KYAT1: variants seen among roughly 807,000 people sequenced by gnomAD.
The protein encoded by KYAT1 is kynurenine aminotransferase 1, also known as kynurenine--oxoglutarate transaminase 1.
Under a neutral mutation model 52.4 loss-of-function variants are expected in KYAT1, and 47 were observed. The ratio of observed to expected loss-of-function variants is 0.90; its 90% CI spans 0.71 to 1.14. KYAT1 has a LOEUF of 1.14. Among genes scored for constraint, KYAT1 ranks in the 50% most tolerant of loss-of-function variants. The pLI, the probability that KYAT1 is intolerant of heterozygous loss-of-function variation, is 0.00. For synonymous variants in KYAT1, 212 were observed against 209.6 expected, an observed-to-expected ratio of 1.01 and a Z score of -0.10; for missense variants, 480 against 557.9, an observed-to-expected ratio of 0.86 and a Z score of 1.41.
intron 1 of KYAT1, among the ~76,000 whole-genome samples, chr9:128,867,958 A>G (rs1836646636): frequency 6.6e-6 from 1 of 152,016 alleles, no homozygotes; most frequent in African/African-American, 2.4e-5. Flanking sequence ...TATTTTTAGT[A>G]GAGACGGGGT....
intron 1 of KYAT1, among the ~76,000 whole-genome samples, chr9:128,865,257 A>G (rs113287649): frequency 3.6e-5 from 5 of 138,700 alleles, no homozygotes; most frequent in African/African-American, 1.2e-4. Context: ...AAAAAAAAAA[A>G]AAAGGCTAAG....
chr9:128,879,137 C>T (rs1033014823), intron 1 of KYAT1, among the ~76,000 whole-genome samples: 4 of 152,242 alleles, frequency 2.6e-5, no homozygotes, highest in East Asian at 3.9e-4. Context: ...GGTGAAACCC[C>T]GTCTCTACTA....
chr9:128,869,456 C>T (rs1320043558), intron 1 of KYAT1, among the ~76,000 whole-genome samples: 1 of 152,132 alleles, frequency 6.6e-6, no homozygotes, highest in Non-Finnish European at 1.5e-5. Flanking sequence ...CCACCGTACC[C>T]GGCACCAAGC....
intron 2 of KYAT1, 84 bp from the exon 3 acceptor site, chr9:128,842,885 G>A (rs965790616): frequency 7.0e-6 from 10 of 1,426,992 alleles, no homozygotes; most frequent in Admixed American, 6.1e-5. Context: ...CTGGACAACC[G>A]GCCAGGTGTG....
At chr9:128,875,964 C>T (rs1318607524) in intron 1 of KYAT1, among the ~76,000 whole-genome samples, 1 of 152,174 alleles carries the variant, frequency 6.6e-6, no homozygotes, top group Non-Finnish European at 1.5e-5. Context: ...CTGATGTCAG[C>T]TATGCCACTG....
intron 11 of KYAT1, among the ~76,000 whole-genome samples, chr9:128,834,591 AG>A (rs1367505412): frequency 6.6e-6 from 1 of 151,930 alleles, no homozygotes; most frequent in Non-Finnish European, 1.5e-5. Flanking sequence ...TGGGAGGCCA[AG>A]GGGAGTGGAT....
chr9:128,846,622 AAAAGAAAG>A, intron 1 of KYAT1: 1 of 1,026,746 alleles, frequency 9.7e-7, no homozygotes, highest in Non-Finnish European at 1.3e-6. Context: ...AAAAAAAAAA[AAAAGAAAG>A]AAAGAAATTG....
At chr9:128,875,239 T>G (rs372892013) in intron 1 of KYAT1, among the ~76,000 whole-genome samples, 163 of 143,592 alleles carry the variant, frequency 1.1e-3, no homozygotes, top group African/African-American at 3.6e-3. Context: ...GTTCAATTTG[T>G]TTTTTTTTGT....
intron 3 of KYAT1, among the ~76,000 whole-genome samples, 163 bp downstream of exon 3, chr9:128,842,491 C>T (rs1473555193): frequency 6.6e-6 from 1 of 152,200 alleles, no homozygotes; most frequent in Non-Finnish European, 1.5e-5. Context: ...GACCACGAGG[C>T]GAAGGCTCTG....
At chr9:128,850,766 C>T (rs1311852338) in intron 1 of KYAT1, among the ~76,000 whole-genome samples, 1 of 152,204 alleles carries the variant, frequency 6.6e-6, no homozygotes, top group Admixed American at 6.5e-5. Flanking sequence ...AACTGAATGT[C>T]TCAGTATAAA....
At chr9:128,835,022 A>G (rs1388472526) in intron 11 of KYAT1, among the ~76,000 whole-genome samples, 2 of 151,834 alleles carry the variant, frequency 1.3e-5, no homozygotes, top group Admixed American at 1.3e-4. Context: ...CTGTGGTCCC[A>G]GCTACTCGGG....
intron 1 of KYAT1, among the ~76,000 whole-genome samples, chr9:128,876,146 C>T (rs1837997146): frequency 6.6e-6 from 1 of 152,116 alleles, no homozygotes; most frequent in East Asian, 1.9e-4. Context: ...CGCTTTGTCA[C>T]CTAGGAGCCT....
chr9:128,839,500 G>T (rs1488444907), intron 3 of KYAT1, among the ~76,000 whole-genome samples: 1 of 152,142 alleles, frequency 6.6e-6, no homozygotes, highest in African/African-American at 2.4e-5. Context: ...GCGGGCACCT[G>T]TAGTCCCAGC....
chr9:128,833,218 A>AG lies in KYAT1; in HGVS notation c.*365dup, dbSNP rs1830432067. 3.3e-6 allele frequency: 1 copy of AG among 306,820 alleles called. No homozygotes were observed. The highest frequency in any genetic ancestry group is 6.1e-6 in the Non-Finnish European group (1 of 164,852). 19.0% of individuals were successfully genotyped at this position (306,820 alleles called of 1,614,324 possible). A position where few individuals can be genotyped will look rare whatever the true frequency, so the allele number is the denominator to read the frequency against. On this transcript the variant is annotated 3_prime_UTR_variant, in exon 13 of 13. Transcript: ENST00000302586. The stretch of plus-strand genomic sequence containing the variant: ...AGGCCAAGATGAGCCAGGGAAGGTG[A>AG]GGTTATACCTGAGCCTTAGCAGGGG...
chr9:128,842,054 T>A, intron 3 of KYAT1: 1 of 244,544 alleles, frequency 4.1e-6, no homozygotes, highest in South Asian at 4.1e-5. Flanking sequence ...TAGCTGGGCA[T>A]GGTGATGCAC....
At chr9:128,848,446 T>C (rs900597360) in intron 1 of KYAT1, among the ~76,000 whole-genome samples, 3 of 151,354 alleles carry the variant, frequency 2.0e-5, no homozygotes, top group East Asian at 1.9e-4. Flanking sequence ...TGCTTAAAGA[T>C]AGATATATAA....
chr9:128,882,423 G>C (rs994970654), upstream of KYAT1: 2 of 313,310 alleles, frequency 6.4e-6, no homozygotes, highest in African/African-American at 4.3e-5. Flanking sequence ...GCTCCCCAGT[G>C]CCCGGAGTCT....
At chr9:128,867,619 A>T (rs572337985) in intron 1 of KYAT1, among the ~76,000 whole-genome samples, 2 of 152,364 alleles carry the variant, frequency 1.3e-5, no homozygotes, top group East Asian at 3.9e-4. Flanking sequence ...GTATCGCTGT[A>T]TCACAATATC....
chr9:128,873,074 TAAAAAAAAAAAA>T lies in KYAT1; in HGVS notation c.-7+8811_-7+8822del, dbSNP rs549497155. On this transcript the variant is annotated intron_variant, in intron 1 of 12. Transcript: ENST00000302586. Reference sequence around the variant, plus strand: ...CTGGGTGACAGAGTGAGACTCCATTTAAAAAAAAAAAAAAAAAAAAGACCATGTAAACTTAAA... The same window carrying T: ...CTGGGTGACAGAGTGAGACTCCATTTAAAAAAAAGACCATGTAAACTTAAA... 1.8e-3 allele frequency among the ~76,000 whole-genome samples: 218 copies of T among 118,742 alleles called. 1 individual carries two copies. The highest frequency in any genetic ancestry group is 6.5e-3 in the African/African-American group (212 of 32,612). 77.9% of individuals were successfully genotyped at this position (118,742 alleles called of 152,430 possible). A position where few individuals can be genotyped will look rare whatever the true frequency, so the allele number is the denominator to read the frequency against.
Sources: allele counts gnomAD v4.1 joint callset (sites outside exome capture counted in the v4.1 genomes callset), GRCh38; gene constraint gnomAD v4.1.1; transcripts MANE v1.5; gene names NCBI Gene and HGNC (gene_info 2026-07-23, HGNC 2026-07-21).